Variants in ZNF831 observed in about 807,000 individuals in gnomAD.
ZNF831 encodes zinc finger protein 831, also known as chromosome 20 open reading frame 174.
Under a neutral mutation model 95.8 loss-of-function variants are expected in ZNF831, and 59 were observed. The observed-to-expected ratio is 0.62, with a 90% CI of 0.50 to 0.77. The LOEUF is 0.77. Ranked by LOEUF, ZNF831 falls within the 30% of genes least tolerant of loss-of-function variation. The probability of loss-of-function intolerance (pLI) is 0.00; values close to 1 mark genes in which losing one functional copy is unlikely to be tolerated. For missense variants in ZNF831, 2,205 were observed against 2,164.0 expected, an observed-to-expected ratio of 1.02 and a Z score of -0.38; for synonymous variants, 961 against 925.5, an observed-to-expected ratio of 1.04 and a Z score of -0.70.
In ZNF831 at chr20:59,193,247, G is replaced by A. The variant is rs2146579614; in HGVS notation, c.2228G>A (p.Gly743Asp). The A allele has an allele frequency of 1.9e-6, 3 of 1,604,862 alleles. No homozygotes were observed. The part of the protein sequence containing the change: ...ALGGRDSPCS[G>D]SRSPLVSPNG... ...GGTGGCAGAGACAGTCCCTGTTCAG[G>A]CAGTAGGAGCCCCCTGGTCTCTCCA... The change falls in exon 2 of 6, where the codon GGC becomes GAC. Residue 743 changes from glycine (G) to aspartate (D), a missense_variant. Coordinates refer to ENST00000371030, the MANE Select transcript of ZNF831 (RefSeq NM_178457.3).
intron 4 of ZNF831, among the ~76,000 whole-genome samples, chr20:59,237,537 C>T (rs1299380896): frequency 1.4e-4 from 21 of 152,176 alleles, no homozygotes; most frequent in South Asian, 2.1e-4. Context: ...AGTAGAGACG[C>T]GGTTTCACCA....
intron 4 of ZNF831, among the ~76,000 whole-genome samples, chr20:59,213,334 C>A (rs1049225479): frequency 6.6e-6 from 1 of 152,176 alleles, no homozygotes; most frequent in Non-Finnish European, 1.5e-5. Flanking sequence ...CTTATTTTCA[C>A]AACTTTTGGT....
chr20:59,204,195 A>C (rs994415594), intron 3 of ZNF831, among the ~76,000 whole-genome samples: 2 of 152,246 alleles, frequency 1.3e-5, no homozygotes, highest in African/African-American at 4.8e-5. Flanking sequence ...GGCTTTGAGA[A>C]TGCAATTCTA....
intron 1 of ZNF831, among the ~76,000 whole-genome samples, chr20:59,129,804 C>A (rs1364824753): frequency 6.6e-6 from 1 of 152,164 alleles, no homozygotes; most frequent in Non-Finnish European, 1.5e-5. Context: ...GCAGGATTGG[C>A]CTTTTTCATT....
intron 3 of ZNF831, among the ~76,000 whole-genome samples, chr20:59,205,417 C>T (rs573065962): frequency 2.6e-5 from 4 of 152,212 alleles, no homozygotes; most frequent in Non-Finnish European, 5.9e-5. Flanking sequence ...CCCCTCCCCC[C>T]AGCCGGGGAA....
chr20:59,257,012 T>G lies in ZNF831; in HGVS notation c.*2269T>G, dbSNP rs1988217729. 1 of 152,218 alleles carries G rather than the reference T, an allele frequency of 6.6e-6. No individual in the cohort carries two copies. The highest frequency in any genetic ancestry group is 2.4e-5 in the African/African-American group (1 of 41,434). The allele number at this position is 152,218 out of a possible 1,614,324, so 9.4% of individuals were successfully genotyped here. ...GGAAAAAAGCTGTCTTCCAGACCCC[T>G]CCTTTCTGGGTGGCTACTGTGGAAT... is the stretch of plus-strand genomic sequence containing the variant. On this transcript the variant is annotated 3_prime_UTR_variant, in exon 6 of 6. Transcript: ENST00000371030.
rs769727942 is a variant in ZNF831 at position 59,232,996 on chromosome 20, A to G, written c.4028-19982A>G. On this transcript the variant is annotated intron_variant, in intron 4 of 5. Coordinates refer to ENST00000371030, the MANE Select transcript of ZNF831 (RefSeq NM_178457.3). ...ATTTTATAGGTGAGGACCCTGAGGC[A>G]CACACACACACACACACACACACAC... Among the ~76,000 whole-genome samples, 299 of 39,204 alleles carry G rather than the reference A, an allele frequency of 7.6e-3. 1 individual carries two copies. The highest frequency in any genetic ancestry group is 0.034 in the African/African-American group (226 of 6,562). The allele number at this position is 39,204 out of a possible 152,430, so 25.7% of individuals were successfully genotyped here.
intron 4 of ZNF831, among the ~76,000 whole-genome samples, chr20:59,247,044 A>G (rs1987647046): frequency 6.6e-6 from 1 of 152,228 alleles, no homozygotes; most frequent in Admixed American, 6.5e-5. Context: ...TTCATAAACA[A>G]AAAATGTAAT....
At chr20:59,250,184 C>T (rs149729925) in intron 4 of ZNF831, among the ~76,000 whole-genome samples, 6 of 152,292 alleles carry the variant, frequency 3.9e-5, no homozygotes, top group African/African-American at 7.2e-5. Flanking sequence ...ATACAAAATG[C>T]TGGGGGACAC....
intron 1 of ZNF831, among the ~76,000 whole-genome samples, chr20:59,177,731 C>T (rs1299091530): frequency 6.6e-6 from 1 of 152,318 alleles, no homozygotes; most frequent in East Asian, 1.9e-4. Context: ...CATGGTCGCT[C>T]ATCCTCCTGG....
intron 4 of ZNF831, among the ~76,000 whole-genome samples, chr20:59,250,505 C>T: frequency 6.6e-6 from 1 of 152,198 alleles, no homozygotes; most frequent in South Asian, 2.1e-4. Context: ...TTTTTTGTGC[C>T]CATTTCCTAA....
chr20:59,193,303 C>A lies in ZNF831; in HGVS notation c.2284C>A (p.Pro762Thr), dbSNP rs1331286603. Residue 762 changes from proline to threonine, a missense_variant, in exon 2 of 6, where the codon CCC becomes ACC. Coordinates refer to ENST00000371030, the MANE Select transcript of ZNF831 (RefSeq NM_178457.3). ...GAGGCTGGAACTGGGGTGGCAGATG[C>A]CCCCAGCACCTGGCCCCCTCAAAGG... is the stretch of plus-strand genomic sequence containing the variant. ...NGRLELGWQM[P>T]PAPGPLKGGD... The A allele has an allele frequency of 1.2e-6, 2 of 1,611,484 alleles. No individual in the cohort carries two copies. The highest frequency in any genetic ancestry group is 2.2e-5 in the South Asian group (2 of 90,538).
intron 4 of ZNF831, 144 bp from the exon 5 acceptor site, chr20:59,252,834 T>C: frequency 1.3e-6 from 1 of 758,128 alleles, no homozygotes. Flanking sequence ...TGGTTGGAGA[T>C]AAATTGAGTT....
In ZNF831 at chr20:59,254,421, C is replaced by T. The variant is rs753999524; in HGVS notation, c.4712C>T (p.Ala1571Val). 1.6e-5 allele frequency: 26 copies of T among 1,614,206 alleles called. No homozygotes were observed. The highest frequency in any genetic ancestry group is 2.2e-5 in the Non-Finnish European group (26 of 1,180,038). ...GAAAAAACTCATCTTGAAATACCAG[C>T]TTCAGGACCAAGTTCAGCTAGTTCA... ...STEKTHLEIP[A>V]SGPSSASSHH... Residue 1571 changes from alanine to valine, a missense_variant, in exon 6 of 6, where the codon GCT (alanine) becomes GTT (valine). Ala to Val is a moderately conservative substitution (Grantham distance 64). Coordinates refer to ENST00000371030, the MANE Select transcript of ZNF831 (RefSeq NM_178457.3). The surrounding 1 kb of genome is among the most constrained non-coding windows in gnomAD (Gnocchi z 4.5).
intron 1 of ZNF831, among the ~76,000 whole-genome samples, chr20:59,184,435 C>A (rs145131257): frequency 6.7e-6 from 1 of 150,072 alleles, no homozygotes; most frequent in Non-Finnish European, 1.5e-5. Context: ...CTGAAAATTG[C>A]GATACAACAT....
intron 4 of ZNF831, among the ~76,000 whole-genome samples, chr20:59,245,753 G>A (rs1426943270): frequency 6.6e-6 from 1 of 152,164 alleles, no homozygotes; most frequent in African/African-American, 2.4e-5. Context: ...TTTGATGAAG[G>A]AACACTGTTG....
intron 2 of ZNF831, among the ~76,000 whole-genome samples, chr20:59,194,989 C>T (rs1051757095): frequency 6.6e-6 from 1 of 152,348 alleles, no homozygotes; most frequent in Non-Finnish European, 1.5e-5. Context: ...GAAAGAATTA[C>T]TGTACTCAAG....
At chr20:59,230,255 T>C (rs957402610) in intron 4 of ZNF831, among the ~76,000 whole-genome samples, 10 of 152,148 alleles carry the variant, frequency 6.6e-5, no homozygotes, top group African/African-American at 2.4e-4. Context: ...AATACCATTG[T>C]GGGGAGAAAA....
At chr20:59,132,352 G>T (rs367877092) in intron 1 of ZNF831, among the ~76,000 whole-genome samples, 25 of 147,288 alleles carry the variant, frequency 1.7e-4, no homozygotes, top group African/African-American at 6.0e-4. Context: ...TGCCTATAGT[G>T]AATGTGTTTG....
Sources: gnomAD v4.1 joint callset for allele counts (sites outside exome capture counted in the v4.1 genomes callset) on GRCh38, gnomAD v4.1.1 for gene constraint, Gnocchi (gnomAD v3.1) non-coding constraint, MANE v1.5 for transcripts, NCBI Gene and HGNC (gene_info 2026-07-23, HGNC 2026-07-21) for gene names.